Variants in MYT1L observed in about 807,000 individuals in gnomAD.
MYT1L encodes myelin transcription factor 1 like.
Under a neutral mutation model 126.7 loss-of-function variants are expected in MYT1L, and 12 were observed. The observed-to-expected ratio is 0.09, with a 90% CI of 0.06 to 0.15. MYT1L has a LOEUF of 0.15. MYT1L is among the 10% of genes least tolerant of loss of function. The pLI is 1.00. For missense variants in MYT1L, 979 were observed against 1,585.2 expected (o/e 0.62, Z 6.49); for synonymous variants, 541 against 604.2 (o/e 0.90, Z 1.53).
chr2:2,224,199 T>C lies in MYT1L; in HGVS notation c.-420-51211A>G, dbSNP rs1372938029. Among the ~76,000 whole-genome samples the C allele has an allele frequency of 6.6e-6, 1 of 152,180 alleles. No individual in the cohort carries two copies. Among genetic ancestry groups the C allele is most frequent in the Non-Finnish European group, 1.5e-5 (1 of 68,044 alleles). On this transcript the variant is annotated intron_variant, in intron 2 of 24. Coordinates refer to ENST00000647738, the MANE Select transcript of MYT1L (RefSeq NM_001303052.2). This position sits in a 1 kb window ranked among gnomAD's most constrained non-coding sequence, Gnocchi z 4.0. ...TGAACAGGATCTTCTGCCTTTCTTA[T>C]AGGGAAGAATTCTGTGACGAGTTGG...
chr2:2,311,739 C>T (rs78962368), intron 1 of MYT1L, among the ~76,000 whole-genome samples: 5,121 of 152,246 alleles, frequency 0.034, 165 homozygotes, highest in South Asian at 0.11. Context: ...CATGCAAGGC[C>T]TCTGTTCCCA....
At position 1,791,898 on chromosome 2, in the gene MYT1L, A is replaced by G. The variant is rs1314560727; in HGVS notation, c.3530T>C (p.Ile1177Thr). ...SPENKALLEN[I>T]KQAVRGIQV is the part of the protein sequence containing the mutation. The stretch of plus-strand genomic sequence containing the variant: ...CTGAATTCCTCTCACAGCCTGCTTT[A>G]TATTTTCCAGTAGGGCTTTATTTTC... Residue 1177 changes from isoleucine (I) to threonine (T), a missense_variant, in exon 25 of 25, where the codon ATA (isoleucine) becomes ACA (threonine). Physicochemically the swap from Ile to Thr is moderately conservative, Grantham distance 89 (BLOSUM62 -1). This residue lies in a region of MYT1L where 179 missense variants were observed against 398.6 expected (regional missense o/e 0.45). Coordinates refer to ENST00000647738, the MANE Select transcript of MYT1L (RefSeq NM_001303052.2). The surrounding 1 kb of genome is among the most constrained non-coding windows in gnomAD (Gnocchi z 6.0). The G allele has an allele frequency of 6.2e-7, 1 of 1,609,462 alleles. No homozygotes were observed. The highest frequency in any genetic ancestry group is 8.5e-7 in the Non-Finnish European group (1 of 1,178,842).
intron 10 of MYT1L, among the ~76,000 whole-genome samples, chr2:1,919,337 C>A (rs1001274644): frequency 3.7e-4 from 57 of 152,206 alleles, no homozygotes; most frequent in African/African-American, 1.3e-3. Context: ...ATCTCAAAAG[C>A]AAACATACAA....
chr2:1,827,123 T>G (rs574821028), intron 21 of MYT1L: 1 of 152,446 alleles, frequency 6.6e-6, no homozygotes, highest in Non-Finnish European at 1.5e-5. Flanking sequence ...TCCTCTCTTT[T>G]CCCTGAGGTG....
chr2:2,237,089 T>G (rs1419158955), intron 2 of MYT1L, among the ~76,000 whole-genome samples: 2 of 152,088 alleles, frequency 1.3e-5, no homozygotes, highest in East Asian at 3.9e-4. Flanking sequence ...GCTGGGATTA[T>G]AAGTGTGAGC....
rs147219603 is a variant in MYT1L, at chr2:2,058,082, A to G, written c.-303-3959T>C. On this transcript the variant is annotated intron_variant, in intron 3 of 24. Coordinates refer to ENST00000647738, the MANE Select transcript of MYT1L (RefSeq NM_001303052.2). ...CAATGTACCAGTGATTCAGTTTCTC[A>G]TTGTCTTAGTCAAAATTTGGTGTTT... Among the ~76,000 whole-genome samples the G allele has an allele frequency of 7.6e-3, 1,151 of 152,270 alleles. 15 individuals carry two copies. Among genetic ancestry groups the G allele is most frequent in the African/African-American group, 0.027 (1,106 of 41,542 alleles).
intron 9 of MYT1L, among the ~76,000 whole-genome samples, chr2:1,925,307 T>C (rs1395466995): frequency 1.3e-5 from 2 of 152,210 alleles, no homozygotes; most frequent in Non-Finnish European, 2.9e-5. Context: ...CTAATCCTCC[T>C]TGCTGCTTCT....
At chr2:2,068,728 CTTT>C (rs201270937) in intron 3 of MYT1L, among the ~76,000 whole-genome samples, 3,073 of 67,018 alleles carry the variant, frequency 0.046, 113 homozygotes, top group African/African-American at 0.14. Flanking sequence ...GTAATACTGG[CTTT>C]TTTTTTTTTT....
At chr2:1,830,907 C>A (rs566965530) in intron 21 of MYT1L, among the ~76,000 whole-genome samples, 1 of 152,224 alleles carries the variant, frequency 6.6e-6, no homozygotes, top group Non-Finnish European at 1.5e-5. Context: ...TCCCTCTGCA[C>A]CTCCCGCATG....
At chr2:1,993,380 C>A (rs2061590535) in intron 5 of MYT1L, among the ~76,000 whole-genome samples, 1 of 152,180 alleles carries the variant, frequency 6.6e-6, no homozygotes, top group Admixed American at 6.5e-5. Context: ...CTCCACTCCA[C>A]AATGGAATGA....
At chr2:2,191,244 G>C (rs1295806488) in intron 2 of MYT1L, among the ~76,000 whole-genome samples, 3 of 152,190 alleles carry the variant, frequency 2.0e-5, no homozygotes, top group Admixed American at 2.0e-4. Context: ...AGTCTGAGAA[G>C]GCTGTGCCTG....
chr2:1,914,416 C>A (rs1046323167), intron 11 of MYT1L, among the ~76,000 whole-genome samples: 3 of 152,128 alleles, frequency 2.0e-5, no homozygotes, highest in Non-Finnish European at 2.9e-5. Flanking sequence ...TCTTACCATA[C>A]ATTCATGGCC....
chr2:2,320,341 G>T (rs1308860384), intron 1 of MYT1L, among the ~76,000 whole-genome samples: 1 of 152,082 alleles, frequency 6.6e-6, no homozygotes, highest in East Asian at 1.9e-4. Flanking sequence ...TCTTGCGAAA[G>T]TGCTCATACA....
chr2:1,861,413 G>A (rs1268152459), intron 18 of MYT1L, among the ~76,000 whole-genome samples: 1 of 151,752 alleles, frequency 6.6e-6, no homozygotes, highest in African/African-American at 2.4e-5. Context: ...GGATGTACAT[G>A]TTTTTCCTCT....
At chr2:1,882,321 T>C (rs932244073) in intron 18 of MYT1L, among the ~76,000 whole-genome samples, 6 of 152,008 alleles carry the variant, frequency 3.9e-5, no homozygotes, top group Non-Finnish European at 8.8e-5. Flanking sequence ...CCCCGAGACA[T>C]TCCCATTCAC....
intron 8 of MYT1L, among the ~76,000 whole-genome samples, chr2:1,949,356 C>T (rs1461127123): frequency 6.6e-6 from 1 of 152,182 alleles, no homozygotes; most frequent in African/African-American, 2.4e-5. Context: ...ACATGGAGGC[C>T]TGGCATCCCG....
In MYT1L at chr2:2,235,199, G is replaced by A. The variant is rs529544940; in HGVS notation, c.-421+49205C>T. Reference sequence around the variant, plus strand: ...GTGTGTGTTAGCTGGTTAGCTGGTTGGTGTCTTCCTCAGAGCTTCCCCTTA... The same window carrying A: ...GTGTGTGTTAGCTGGTTAGCTGGTTAGTGTCTTCCTCAGAGCTTCCCCTTA... On this transcript the variant is annotated intron_variant, in intron 2 of 24. Coordinates refer to ENST00000647738, the MANE Select transcript of MYT1L (RefSeq NM_001303052.2). Among the ~76,000 whole-genome samples the A allele has an allele frequency of 6.6e-5, 10 of 151,998 alleles. No homozygotes were observed. In the East Asian group the frequency reaches 1.7e-3, roughly 27 times the overall value.
intron 3 of MYT1L, among the ~76,000 whole-genome samples, chr2:2,124,399 G>C (rs1218471779): frequency 1.3e-5 from 2 of 152,096 alleles, no homozygotes; most frequent in South Asian, 2.1e-4. Flanking sequence ...GGGCTAAAGT[G>C]ATTCTCCTTC....
intron 18 of MYT1L, among the ~76,000 whole-genome samples, chr2:1,854,269 C>T (rs1349295712): frequency 1.3e-5 from 2 of 151,998 alleles, no homozygotes; most frequent in Non-Finnish European, 2.9e-5. Flanking sequence ...CGGGGGAACA[C>T]TGTGAGTTTT....
Sources: gnomAD v4.1 joint callset for allele counts (sites outside exome capture counted in the v4.1 genomes callset) on GRCh38, gnomAD v4.1.1 for gene constraint, gnomAD v4.1.1 regional missense constraint, Gnocchi (gnomAD v3.1) non-coding constraint, MANE v1.5 for transcripts, NCBI Gene and HGNC (gene_info 2026-07-23, HGNC 2026-07-21) for gene names.